The following PLCG2 variants were observed in gnomAD, a reference collection of about 807,000 sequenced individuals.
PLCG2 encodes 1-phosphatidylinositol 4,5-bisphosphate phosphodiesterase gamma-2.
Under a neutral mutation model 175.6 loss-of-function variants are expected in PLCG2, and 69 were observed. The observed-to-expected ratio is 0.39, with a 90% CI of 0.32 to 0.48. The LOEUF (loss-of-function observed/expected upper bound fraction) is 0.48. Among genes scored for constraint, PLCG2 ranks in the 20% least tolerant of loss-of-function variants. The pLI, the probability that PLCG2 is intolerant of heterozygous loss-of-function variation, is 0.91. For synonymous variants in PLCG2, 827 were observed against 624.0 expected (o/e 1.33, Z -4.85); for missense variants, 1,798 against 1,650.9 (o/e 1.09, Z -1.54).
In PLCG2 at chr16:81,940,092, G is replaced by A. The variant is rs567669976; in HGVS notation, c.3481+33G>A. The A allele has an allele frequency of 5.1e-6, 8 of 1,571,808 alleles. No individual in the cohort carries two copies. The African/African-American group carries it at 1.1e-4, about 21-fold the overall frequency. Reference sequence around the variant, plus strand: ...GCATTTTAATTAAGATGTTCGATTTGGGCTGGCGTTGTACTTTGGTTTGGC... The same window carrying A: ...GCATTTTAATTAAGATGTTCGATTTAGGCTGGCGTTGTACTTTGGTTTGGC... On this transcript the variant is annotated intron_variant, in intron 30 of 32. Coordinates refer to ENST00000564138, the MANE Select transcript of PLCG2 (RefSeq NM_002661.5).
intron 2 of PLCG2, among the ~76,000 whole-genome samples, chr16:81,825,997 G>A (rs1464297457): frequency 3.3e-5 from 5 of 152,164 alleles, no homozygotes; most frequent in Admixed American, 6.5e-5. Flanking sequence ...AACTTGGAGC[G>A]AGCTCTGGAA....
At chr16:81,856,502 A>G (rs527864336) in intron 3 of PLCG2, among the ~76,000 whole-genome samples, 7 of 152,354 alleles carry the variant, frequency 4.6e-5, no homozygotes, top group African/African-American at 1.7e-4. Context: ...TCTCCTGGGT[A>G]TTAGCAAGCT....
At chr16:81,861,665 C>T (rs1364447432) in intron 5 of PLCG2, among the ~76,000 whole-genome samples, 7 of 152,184 alleles carry the variant, frequency 4.6e-5, no homozygotes, top group Non-Finnish European at 7.3e-5. Context: ...GAGGTGATGC[C>T]TCTTCTGACT....
chr16:81,837,121 A>G (rs1372179619), intron 2 of PLCG2, among the ~76,000 whole-genome samples: 2 of 152,224 alleles, frequency 1.3e-5, no homozygotes, highest in Non-Finnish European at 2.9e-5. Flanking sequence ...TCTTGCTGTA[A>G]AAAGCAAACA....
At chr16:81,871,183 G>C (rs974523096) in intron 7 of PLCG2, among the ~76,000 whole-genome samples, 1 of 152,156 alleles carries the variant, frequency 6.6e-6, no homozygotes, top group African/African-American at 2.4e-5. Flanking sequence ...AATGCGAATG[G>C]CCATAAGTTT....
rs1910034654 is a variant in PLCG2, at chr16:81,761,202, A to G, written c.-48+5236A>G. Among the ~76,000 whole-genome samples the G allele has an allele frequency of 2.6e-5, 4 of 152,204 alleles. No individual in the cohort carries two copies. In the South Asian group the frequency reaches 8.3e-4, roughly 32 times the overall value. The stretch of plus-strand genomic sequence containing the variant: ...ATGAGCCACTTGCGCCCAGCTACAA[A>G]AATGTTTTTAAAGTTAGCTGGGTGT... On this transcript the variant is annotated intron_variant, in intron 2 of 5. Coordinates refer to the PLCG2 transcript ENST00000565054.
chr16:81,908,382 G>A, intron 16 of PLCG2, 34 bp from the exon 17 acceptor site: 1 of 1,596,884 alleles, frequency 6.3e-7, no homozygotes, highest in Non-Finnish European at 8.6e-7. Context: ...TTGGTCCAAG[G>A]CTTTCAGAAA....
intron 8 of PLCG2, 86 bp from the exon 9 acceptor site, chr16:81,883,183 C>T: frequency 6.8e-6 from 8 of 1,177,196 alleles, no homozygotes; most frequent in Non-Finnish European, 1.0e-5. Flanking sequence ...TTCTGGGTGG[C>T]AGGCTGCCCC....
chr16:81,954,320 C>T (rs541258477), intron 31 of PLCG2, among the ~76,000 whole-genome samples: 6 of 152,274 alleles, frequency 3.9e-5, no homozygotes, highest in East Asian at 3.9e-4. Flanking sequence ...CTGCGCCCGG[C>T]GACTTGATTC....
intron 31 of PLCG2, among the ~76,000 whole-genome samples, chr16:81,950,876 TTTTAAAACACCA>T (rs1399443500): frequency 6.6e-6 from 1 of 152,140 alleles, no homozygotes; most frequent in Non-Finnish European, 1.5e-5. Context: ...TCTTCAGAAC[TTTTAAAACACCA>T]ATAAAATAGA....
chr16:81,743,367 C>G lies in PLCG2; in HGVS notation c.-145+3982C>G, dbSNP rs1050051509. On this transcript the variant is annotated intron_variant, in intron 1 of 5. Coordinates refer to the PLCG2 transcript ENST00000565054. ...CCCTATCTCAAAAACAAAAACAAAA[C>G]AAAAGAACCGGTGTGCTCTGTCTCT... Among the ~76,000 whole-genome samples, 17 of 152,162 alleles carry G rather than the reference C, an allele frequency of 1.1e-4. No individual in the cohort carries two copies. In the East Asian group the frequency reaches 3.3e-3, roughly 29 times the overall value.
chr16:81,839,905 G>A (rs1280774095), intron 2 of PLCG2, among the ~76,000 whole-genome samples: 1 of 152,160 alleles, frequency 6.6e-6, no homozygotes, highest in African/African-American at 2.4e-5. Context: ...AGAAAACTTA[G>A]GTAGGTGTGA....
intron 19 of PLCG2, among the ~76,000 whole-genome samples, chr16:81,916,034 T>G (rs911062759): frequency 5.3e-5 from 8 of 152,308 alleles, no homozygotes; most frequent in African/African-American, 1.9e-4. Flanking sequence ...ATGGAAAATA[T>G]ATGGTGCCAT....
intron 13 of PLCG2, among the ~76,000 whole-genome samples, chr16:81,899,013 C>A (rs995494330): frequency 2.0e-5 from 3 of 152,090 alleles, no homozygotes; most frequent in Non-Finnish European, 4.4e-5. Context: ...CATGGTGAAA[C>A]CCTATCTTTA....
chr16:81,956,598 C>A, intron 31 of PLCG2, 97 bp from the exon 32 acceptor site: 1 of 1,075,360 alleles, frequency 9.3e-7, no homozygotes, highest in Non-Finnish European at 1.3e-6. Flanking sequence ...ACTTCTGCCC[C>A]ATGCTCCCTT....
chr16:81,768,650 C>G (rs1218030354), intron 2 of PLCG2, among the ~76,000 whole-genome samples: 2 of 148,134 alleles, frequency 1.4e-5, no homozygotes, highest in South Asian at 2.2e-4. Flanking sequence ...ACTGCAACCT[C>G]CGCCTCCCGG....
chr16:81,940,174 A>G lies in PLCG2; in HGVS notation c.3481+115A>G, dbSNP rs575679519. The stretch of plus-strand genomic sequence containing the variant: ...TTCCTGGTTTGGATGGAATCACTGT[A>G]AAACCGATTGGGTGGCTTGGAGAGC... On this transcript the variant is annotated intron_variant, in intron 30 of 32. Transcript: ENST00000564138. 8.3e-5 allele frequency: 75 copies of G among 908,186 alleles called. No individual in the cohort carries two copies. The African/African-American group carries it at 1.1e-3, about 13-fold the overall frequency. 56.3% of individuals were successfully genotyped at this position (908,186 alleles called of 1,614,324 possible). A position where few individuals can be genotyped will look rare whatever the true frequency, so the allele number is the denominator to read the frequency against.
At chr16:81,774,635 G>C (rs1256692409), upstream of PLCG2, among the ~76,000 whole-genome samples, 1 of 152,112 alleles carries the variant, frequency 6.6e-6, no homozygotes, top group African/African-American at 2.4e-5. Context: ...GGGTAGGGTT[G>C]GCGAGGTTCC....
At chr16:81,808,032 G>C (rs999732549) in intron 2 of PLCG2, among the ~76,000 whole-genome samples, 3 of 152,230 alleles carry the variant, frequency 2.0e-5, no homozygotes, top group Admixed American at 6.5e-5. Context: ...GACTGCTGCG[G>C]AGACAGATAT....
Sources: gnomAD v4.1 joint callset for allele counts (sites outside exome capture counted in the v4.1 genomes callset) on GRCh38, gnomAD v4.1.1 for gene constraint, MANE v1.5 for transcripts, NCBI Gene and HGNC (gene_info 2026-07-23, HGNC 2026-07-21) for gene names.